FAM114A2: variants seen among roughly 807,000 people sequenced by gnomAD.
The protein encoded by FAM114A2 is protein FAM114A2.
In FAM114A2, 53 loss-of-function variants were observed where a neutral mutation model predicts 58.4. The observed-to-expected ratio is 0.91, with a 90% CI of 0.73 to 1.14. The LOEUF is 1.14. FAM114A2 is among the 50% of genes most tolerant of loss of function. The pLI, the probability that FAM114A2 is intolerant of heterozygous loss-of-function variation, is 0.00. For synonymous variants in FAM114A2, 228 were observed against 211.4 expected (o/e 1.08, Z -0.68); for missense variants, 601 against 581.1 (o/e 1.03, Z -0.35).
At position 154,026,513 on chromosome 5, in the gene FAM114A2, T is replaced by C. The variant is rs752487539; in HGVS notation, c.799A>G (p.Ile267Val). ...SQESEIKVKS[I>V]LNSLSGEELE... ...TCTTCTCCACTCAGAGAATTAAGGA[T>C]AGATTTCACCTGAATGGATACAAGA... Residue 267 changes from isoleucine to valine, a missense_variant, in exon 8 of 14, where the codon ATC becomes GTC. Transcript: ENST00000351797. 3.3e-6 allele frequency: 5 copies of C among 1,519,600 alleles called. No individual in the cohort carries two copies. In the South Asian group the frequency reaches 5.3e-5, roughly 16 times the overall value. 94.1% of individuals were successfully genotyped at this position (1,519,600 alleles called of 1,614,324 possible). A position where few individuals can be genotyped will look rare whatever the true frequency, so the allele number is the denominator to read the frequency against.
At chr5:154,003,731 C>T (rs986634302) in intron 9 of FAM114A2, among the ~76,000 whole-genome samples, 5 of 152,120 alleles carry the variant, frequency 3.3e-5, no homozygotes, top group African/African-American at 9.7e-5. Flanking sequence ...TCTTAAAATG[C>T]ATAAAAATAG....
intron 8 of FAM114A2, among the ~76,000 whole-genome samples, chr5:154,016,513 C>T (rs1417602606): frequency 2.0e-5 from 3 of 152,208 alleles, no homozygotes; most frequent in South Asian, 2.1e-4. Context: ...TCCAGTGAAA[C>T]TAAGCTTCAT....
At chr5:154,008,625 T>G (rs1770496982) in intron 9 of FAM114A2, among the ~76,000 whole-genome samples, 1 of 152,080 alleles carries the variant, frequency 6.6e-6, no homozygotes, top group Non-Finnish European at 1.5e-5. Flanking sequence ...ATAAATGAAT[T>G]CTGTAATTAG....
At chr5:154,030,760 G>A (rs1772135788) in intron 4 of FAM114A2, among the ~76,000 whole-genome samples, 1 of 152,192 alleles carries the variant, frequency 6.6e-6, no homozygotes. Flanking sequence ...AGGTGTTTTT[G>A]CTTAAATACT....
Position 154,003,736 on chromosome 5 carries a change from A to G in FAM114A2, c.994-767T>C, listed in dbSNP as rs549763066. Among the ~76,000 whole-genome samples the G allele has an allele frequency of 7.2e-5, 11 of 152,336 alleles. No homozygotes were observed. In the East Asian group the frequency reaches 2.1e-3, roughly 29 times the overall value. On this transcript the variant is annotated intron_variant, in intron 9 of 13. Transcript: ENST00000351797. ...TTTTTCCTAATCTTAAAATGCATAAAAATAGAAATATAAGTTCATTCTAAT... is the reference window on the plus strand; with the variant it reads ...TTTTTCCTAATCTTAAAATGCATAAGAATAGAAATATAAGTTCATTCTAAT...
rs537499776 is a variant in FAM114A2 at position 154,003,699 on chromosome 5, C to G, written c.994-730G>C. On this transcript the variant is annotated intron_variant, in intron 9 of 13. Transcript: ENST00000351797. The stretch of plus-strand genomic sequence containing the variant: ...GCCCAAAGACAAACCCTCTTCTGCT[C>G]ACTATAAATAATTTTTCCTAATCTT... 5.3e-5 allele frequency among the ~76,000 whole-genome samples: 8 copies of G among 152,238 alleles called. No individual in the cohort carries two copies. In the East Asian group the frequency reaches 1.5e-3, roughly 29 times the overall value.
At chr5:154,034,470 G>T in intron 2 of FAM114A2, 93 bp from the exon 3 acceptor site, 1 of 757,086 alleles carries the variant, frequency 1.3e-6, no homozygotes, top group Non-Finnish European at 2.2e-6. Flanking sequence ...CTAATTATTA[G>T]CCAAAAGCAT....
chr5:153,993,818 C>A (rs532143209), intron 13 of FAM114A2, among the ~76,000 whole-genome samples: 73 of 152,186 alleles, frequency 4.8e-4, no homozygotes, highest in African/African-American at 1.6e-3. Flanking sequence ...TAATAGGGAG[C>A]CCATATCAAG....
chr5:154,026,520 C>A lies in FAM114A2; in HGVS notation c.792G>T (p.Val264=), dbSNP rs777356653. The change falls in exon 8 of 14, where the codon GTG becomes GTT. Residue 264 remains valine (V), a splice_region_variant and synonymous_variant. Coordinates refer to ENST00000351797, the MANE Select transcript of FAM114A2 (RefSeq NM_018691.4). ...CACTCAGAGAATTAAGGATAGATTT[C>A]ACCTGAATGGATACAAGAACAAAAT... is the stretch of plus-strand genomic sequence containing the variant. ...EMLSQESEIK[V]KSILNSLSGE... 1 of 1,490,832 alleles carries A rather than the reference C, an allele frequency of 6.7e-7. No individual in the cohort carries two copies. The highest frequency in any genetic ancestry group is 8.9e-7 in the Non-Finnish European group (1 of 1,120,490). 92.4% of individuals were successfully genotyped at this position (1,490,832 alleles called of 1,614,324 possible).
intron 9 of FAM114A2, among the ~76,000 whole-genome samples, chr5:154,005,582 C>CA: frequency 6.6e-6 from 1 of 152,192 alleles, no homozygotes; most frequent in East Asian, 1.9e-4. Flanking sequence ...CCGAAAGACA[C>CA]AGATAGGGAT....
In FAM114A2 at chr5:154,026,475, T is replaced by C. The variant is rs199953217; in HGVS notation, c.837A>G (p.Leu279=). 3.8e-6 allele frequency: 6 copies of C among 1,576,120 alleles called. No homozygotes were observed. The highest frequency in any genetic ancestry group is 3.7e-5 in the Admixed American group (2 of 54,560). The change falls in exon 8 of 14, where the codon CTA becomes CTG. Residue 279 remains leucine (L), a synonymous_variant. Coordinates refer to ENST00000351797, the MANE Select transcript of FAM114A2 (RefSeq NM_018691.4). ...CTTTGAGTTGCTCTAATTCAACTTT[T>C]AGAGTCTCTAATTCTTCTCCACTCA... ...NSLSGEELET[L]KVELEQLKET...
intron 12 of FAM114A2, among the ~76,000 whole-genome samples, chr5:153,996,291 C>T (rs1227552153): frequency 6.6e-6 from 1 of 152,010 alleles, no homozygotes; most frequent in Non-Finnish European, 1.5e-5. Context: ...GAGAATTTAA[C>T]GGAGGAAAGA....
intron 6 of FAM114A2, 95 bp downstream of exon 6, chr5:154,028,054 T>C: frequency 8.7e-7 from 1 of 1,146,990 alleles, no homozygotes; most frequent in South Asian, 1.7e-5. Context: ...TTGAAAATGC[T>C]TGAAAAGAAA....
chr5:154,003,925 C>T (rs926766052), intron 9 of FAM114A2, among the ~76,000 whole-genome samples: 1 of 152,124 alleles, frequency 6.6e-6, no homozygotes, highest in African/African-American at 2.4e-5. Flanking sequence ...TAATGGTGGT[C>T]CTGTAAGACT....
At chr5:154,028,917 G>A (rs1771987715) in intron 5 of FAM114A2, among the ~76,000 whole-genome samples, 2 of 152,006 alleles carry the variant, frequency 1.3e-5, no homozygotes, top group Admixed American at 1.3e-4. Context: ...TCTGATTACG[G>A]TAATACTGTT....
chr5:154,011,425 G>T, intron 8 of FAM114A2, 105 bp from the exon 9 acceptor site: 1 of 702,374 alleles, frequency 1.4e-6, no homozygotes, highest in Non-Finnish European at 2.5e-6. Flanking sequence ...AGTGACAGTA[G>T]TAGTAATAAC....
intron 8 of FAM114A2, among the ~76,000 whole-genome samples, chr5:154,021,894 T>C (rs912732996): frequency 2.0e-5 from 3 of 152,102 alleles, no homozygotes; most frequent in African/African-American, 4.8e-5. Flanking sequence ...CTTCAAACTA[T>C]ACTACAAGGC....
intron 10 of FAM114A2, among the ~76,000 whole-genome samples, 172 bp downstream of exon 10, chr5:154,002,674 CT>C (rs1770066059): frequency 6.6e-6 from 1 of 152,150 alleles, no homozygotes; most frequent in South Asian, 2.1e-4. Flanking sequence ...TCCTTTCTCT[CT>C]TTTTTTCTTC....
chr5:153,997,903 GT>G (rs761628892), intron 11 of FAM114A2, 28 bp from the exon 12 acceptor site: 2 of 1,403,430 alleles, frequency 1.4e-6, no homozygotes, highest in Non-Finnish European at 9.9e-7. Context: ...AGTCAGAAAC[GT>G]TTTTTCTTTT....
Sources: allele counts gnomAD v4.1 joint callset (sites outside exome capture counted in the v4.1 genomes callset), GRCh38; gene constraint gnomAD v4.1.1; transcripts MANE v1.5; gene names NCBI Gene and HGNC (gene_info 2026-07-23, HGNC 2026-07-21).